Variants in DCAF4L2 observed in about 807,000 individuals in gnomAD.
DCAF4L2 encodes the protein DDB1 and CUL4 associated factor 4 like 2, also known as DDB1- and CUL4-associated factor 4-like protein 2.
A neutral mutation model predicts 15.5 loss-of-function variants in DCAF4L2; 13 were observed. The observed-to-expected ratio is 0.84, with a 90% CI of 0.54 to 1.33. The LOEUF is 1.33. Ranked by LOEUF, DCAF4L2 falls within the 40% of genes most tolerant of loss-of-function variation. The pLI is 0.00. For synonymous variants in DCAF4L2, 251 were observed against 207.0 expected (o/e 1.21, Z -1.83); for missense variants, 519 against 509.6 (o/e 1.02, Z -0.18).
rs1809384196 is a variant in DCAF4L2, at chr8:87,870,769, G to C, written c.*2015C>G. ...TGCTTTATTTGCACTTATTTTATTT[G>C]CAAGTGAGGGTAAACAGATTCGCAA... On this transcript the variant is annotated 3_prime_UTR_variant, in exon 1 of 1. Transcript: ENST00000319675. The C allele has an allele frequency of 1.3e-5, 2 of 151,992 alleles. No individual in the cohort carries two copies. Among genetic ancestry groups the C allele is most frequent in the African/African-American group, 4.8e-5 (2 of 41,382 alleles). The allele number at this position is 151,992 out of a possible 1,614,324, so 9.4% of individuals were successfully genotyped here. A position where few individuals can be genotyped will look rare whatever the true frequency, so the allele number is the denominator to read the frequency against.
Position 87,873,070 on chromosome 8 carries a change from G to A in DCAF4L2, c.902C>T (p.Ala301Val). 6.2e-7 allele frequency: 1 copy of A among 1,614,194 alleles called. No homozygotes were observed. Among genetic ancestry groups the A allele is most frequent in the Non-Finnish European group, 8.5e-7 (1 of 1,180,050 alleles). ...TTCGTACTGTGTTACACATTTAGTGGCCCTCAAGTCCCACAGCTTGATAGT... is the reference window on the plus strand; with the variant it reads ...TTCGTACTGTGTTACACATTTAGTGACCCTCAAGTCCCACAGCTTGATAGT... ...TGTIKLWDLR[A>V]TKCVTQYEGH... Residue 301 changes from alanine (A) to valine (V), a missense_variant, in exon 1 of 1, where the codon GCC becomes GTC. Transcript: ENST00000319675.
At position 87,873,659 on chromosome 8, in the gene DCAF4L2, G is replaced by A. The variant is rs200433622; in HGVS notation, c.313C>T (p.Arg105Ter). ...GGSKYGIITM[R>*]GLTTPELRVY... ...CGGAGCTCAGGGGTCGTCAGGCCTC[G>A]CATGGTGATGATGCCGTACTTGGAG... Residue 105 changes from arginine to a stop codon, truncating the protein, a stop_gained, in exon 1 of 1, where the codon CGA becomes TGA. Coordinates refer to ENST00000319675, the MANE Select transcript of DCAF4L2 (RefSeq NM_152418.4). LOFTEE classifies it high-confidence loss of function. The A allele has an allele frequency of 9.9e-6, 16 of 1,614,176 alleles. No homozygotes were observed. In the East Asian group the frequency reaches 3.3e-4, roughly 34 times the overall value.
rs1809414066 is a variant in DCAF4L2, at chr8:87,872,416, C to T, written c.*368G>A. The T allele has an allele frequency of 6.0e-6, 1 of 166,898 alleles. No homozygotes were observed. Among genetic ancestry groups the T allele is most frequent in the Non-Finnish European group, 1.3e-5 (1 of 76,724 alleles). 10.3% of individuals were successfully genotyped at this position (166,898 alleles called of 1,614,324 possible). A position where few individuals can be genotyped will look rare whatever the true frequency, so the allele number is the denominator to read the frequency against. On this transcript the variant is annotated 3_prime_UTR_variant, in exon 1 of 1. Transcript: ENST00000319675. ...GTAGGACTAGTCAAACAGTCTCATGCTTCTCTAAAAGGCTTCTGGTGTAAG... is the reference window on the plus strand; with the variant it reads ...GTAGGACTAGTCAAACAGTCTCATGTTTCTCTAAAAGGCTTCTGGTGTAAG...
Position 87,871,926 on chromosome 8 carries a change from C to T in DCAF4L2, c.*858G>A, listed in dbSNP as rs916625457. On this transcript the variant is annotated 3_prime_UTR_variant, in exon 1 of 1. Coordinates refer to ENST00000319675, the MANE Select transcript of DCAF4L2 (RefSeq NM_152418.4). Reference sequence around the variant, plus strand: ...TAAGAAGTAGCCACTAACTTTATTACACGTTTTTTTGTTTTTTGTTTTTTT... The same window carrying T: ...TAAGAAGTAGCCACTAACTTTATTATACGTTTTTTTGTTTTTTGTTTTTTT... The T allele has an allele frequency of 3.2e-5, 5 of 155,076 alleles. No homozygotes were observed. Among genetic ancestry groups the T allele is most frequent in the African/African-American group, 4.8e-5 (2 of 41,292 alleles). The allele number at this position is 155,076 out of a possible 1,614,324, so 9.6% of individuals were successfully genotyped here. A position where few individuals can be genotyped will look rare whatever the true frequency, so the allele number is the denominator to read the frequency against.
chr8:87,871,500 A>G lies in DCAF4L2; in HGVS notation c.*1284T>C, dbSNP rs1809397350. 1 of 151,834 alleles carries G rather than the reference A, an allele frequency of 6.6e-6. No homozygotes were observed. Among genetic ancestry groups the G allele is most frequent in the Admixed American group, 6.6e-5 (1 of 15,264 alleles). The allele number at this position is 151,834 out of a possible 1,614,324, so 9.4% of individuals were successfully genotyped here. A position where few individuals can be genotyped will look rare whatever the true frequency, so the allele number is the denominator to read the frequency against. Reference sequence around the variant, plus strand: ...CATATTTTTATTTTTGAGGTATTATATAAAGTGTGAAGTGTATAGACATAC... The same window carrying G: ...CATATTTTTATTTTTGAGGTATTATGTAAAGTGTGAAGTGTATAGACATAC... On this transcript the variant is annotated 3_prime_UTR_variant, in exon 1 of 1. Coordinates refer to ENST00000319675, the MANE Select transcript of DCAF4L2 (RefSeq NM_152418.4).
In DCAF4L2 at chr8:87,873,985, T is replaced by C. The variant is rs752127168; in HGVS notation, c.-14A>G. On this transcript the variant is annotated 5_prime_UTR_variant, in exon 1 of 1. Transcript: ENST00000319675. ...TTTGCTCTCCATTTCGTTCGGCGGA[T>C]GTTCTCCCTCCTGAGGGGAAGTTCT... The C allele has an allele frequency of 5.0e-6, 8 of 1,610,648 alleles. No homozygotes were observed. In the African/African-American group the frequency reaches 6.7e-5, roughly 13 times the overall value.
In DCAF4L2 at chr8:87,873,845, A is replaced by G. The variant is rs1229318406; in HGVS notation, c.127T>C (p.Cys43Arg). Reference protein sequence around the residue: ...QLGFLRFANYCRIARELRVSC... With the variant: ...QLGFLRFANYRRIARELRVSC... ...ACACGCAGCTCGCGAGCTATACGGC[A>G]ATAGTTGGCGAATCTGAGGAAACCT... The change falls in exon 1 of 1, where the codon TGC (cysteine) becomes CGC (arginine). Residue 43 changes from cysteine to arginine, a missense_variant. By Grantham distance (180) the Cys-to-Arg change is radical. Transcript: ENST00000319675. The G allele has an allele frequency of 6.2e-7, 1 of 1,614,092 alleles. No individual in the cohort carries two copies. The highest frequency in any genetic ancestry group is 8.5e-7 in the Non-Finnish European group (1 of 1,180,042).
chr8:87,872,559 T>C lies in DCAF4L2; in HGVS notation c.*225A>G, dbSNP rs1329954164. The C allele has an allele frequency of 4.1e-5, 17 of 415,676 alleles. No individual in the cohort carries two copies. Among genetic ancestry groups the C allele is most frequent in the African/African-American group, 1.2e-4 (6 of 49,528 alleles). The allele number at this position is 415,676 out of a possible 1,614,324, so 25.7% of individuals were successfully genotyped here. ...TAAGGTATTCAACAAGAAAAGGAAA[T>C]AGTTATCTTTTATGAAAAGGACTTT... On this transcript the variant is annotated 3_prime_UTR_variant, in exon 1 of 1. Coordinates refer to ENST00000319675, the MANE Select transcript of DCAF4L2 (RefSeq NM_152418.4).
chr8:87,873,321 G>A lies in DCAF4L2; in HGVS notation c.651C>T (p.His217=). The change falls in exon 1 of 1, where the codon CAC becomes CAT. Residue 217 remains histidine, a synonymous_variant. Transcript: ENST00000319675. The stretch of plus-strand genomic sequence containing the variant: ...CACTGCTAGTCCCAAATGACTGCTG[G>A]TGTCCCGTCACCACGTTGGTCAACA... ...QVLLTNVVTG[H]QQSFGTSSDV... is the part of the protein sequence containing the mutation. 6.2e-7 allele frequency: 1 copy of A among 1,614,178 alleles called. No individual in the cohort carries two copies.
Position 87,872,837 on chromosome 8 carries a change from G to T in DCAF4L2, c.1135C>A (p.Pro379Thr). Reference sequence around the variant, plus strand: ...TCCCGGACAGCCATGAGCAGCCCTGGTGCTCCTCGGAAGCCCCCGAGGCGA... The same window carrying T: ...TCCCGGACAGCCATGAGCAGCCCTGTTGCTCCTCGGAAGCCCCCGAGGCGA... ...SSRLGGFRGAPGLLMAVREDL... is the reference protein window; with the variant it reads ...SSRLGGFRGATGLLMAVREDL... The change falls in exon 1 of 1, where the codon CCA (proline) becomes ACA (threonine). Residue 379 changes from proline to threonine, a missense_variant. Pro to Thr is a conservative substitution (Grantham distance 38, BLOSUM62 -1). Coordinates refer to ENST00000319675, the MANE Select transcript of DCAF4L2 (RefSeq NM_152418.4). The T allele has an allele frequency of 1.9e-6, 3 of 1,612,974 alleles. No individual in the cohort carries two copies. The highest frequency in any genetic ancestry group is 2.5e-6 in the Non-Finnish European group (3 of 1,179,352).
rs146030031 is a variant in DCAF4L2 at position 87,872,964 on chromosome 8, G to A, written c.1008C>T (p.Cys336=). ...GACGGAGGCTCCAGATTCTCGTGTA[G>A]CAGTCCTGGCCCACGGCCGCCACGA... ...EGVVAAVGQD[C]YTRIWSLRHG... Residue 336 remains cysteine (C), a synonymous_variant, in exon 1 of 1, where the codon TGC becomes TGT. Coordinates refer to ENST00000319675, the MANE Select transcript of DCAF4L2 (RefSeq NM_152418.4). 2 of 1,614,038 alleles carry A rather than the reference G, an allele frequency of 1.2e-6. No individual in the cohort carries two copies. The highest frequency in any genetic ancestry group is 1.7e-6 in the Non-Finnish European group (2 of 1,180,034).
In DCAF4L2 at chr8:87,871,458, C is replaced by T. The variant is rs1586059533; in HGVS notation, c.*1326G>A. On this transcript the variant is annotated 3_prime_UTR_variant, in exon 1 of 1. Coordinates refer to ENST00000319675, the MANE Select transcript of DCAF4L2 (RefSeq NM_152418.4). ...ATCATTCCCTTTCCTGACCAACCTACAACAGTGTACTGTTTTCATATTTTT... is the reference window on the plus strand; with the variant it reads ...ATCATTCCCTTTCCTGACCAACCTATAACAGTGTACTGTTTTCATATTTTT... The T allele has an allele frequency of 6.6e-6, 1 of 152,512 alleles. No homozygotes were observed. Among genetic ancestry groups the T allele is most frequent in the African/African-American group, 2.4e-5 (1 of 41,440 alleles). The allele number at this position is 152,512 out of a possible 1,614,324, so 9.4% of individuals were successfully genotyped here. A position where few individuals can be genotyped will look rare whatever the true frequency, so the allele number is the denominator to read the frequency against.
Position 87,873,792 on chromosome 8 carries a change from C to G in DCAF4L2, c.180G>C (p.Gln60His), listed in dbSNP as rs764471075. The change falls in exon 1 of 1, where the codon CAG becomes CAC. Residue 60 changes from glutamine to histidine, a missense_variant. Coordinates refer to ENST00000319675, the MANE Select transcript of DCAF4L2 (RefSeq NM_152418.4). ...RVSCMQRKKV[Q>H]IHSWDPSSLA... ...AAGAGGAGGGATCCCAGCTATGAAT[C>G]TGGACCTTTTTCCTCTGCATGCAGC... 10 of 1,614,140 alleles carry G rather than the reference C, an allele frequency of 6.2e-6. No individual in the cohort carries two copies. The highest frequency in any genetic ancestry group is 1.7e-5 in the Admixed American group (1 of 60,016).
Position 87,872,830 on chromosome 8 carries a change from A to T in DCAF4L2, c.1142T>A (p.Leu381Gln), listed in dbSNP as rs148070033. 45 of 1,611,822 alleles carry T rather than the reference A, an allele frequency of 2.8e-5. No homozygotes were observed. The African/African-American group carries it at 4.9e-4, about 18-fold the overall frequency. The change falls in exon 1 of 1, where the codon CTG (leucine) becomes CAG (glutamine). Residue 381 changes from leucine (L) to glutamine (Q), a missense_variant. Transcript: ENST00000319675. ...AAGGTCCTCCCGGACAGCCATGAGC[A>T]GCCCTGGTGCTCCTCGGAAGCCCCC... is the stretch of plus-strand genomic sequence containing the variant. ...RLGGFRGAPG[L>Q]LMAVREDLYC...
rs1809396239 is a variant in DCAF4L2 at position 87,871,427 on chromosome 8, G to A, written c.*1357C>T. The stretch of plus-strand genomic sequence containing the variant: ...TTCTACTTCTCATAGTCAGGTCCAA[G>A]CCACAATCATTCCCTTTCCTGACCA... On this transcript the variant is annotated 3_prime_UTR_variant, in exon 1 of 1. Coordinates refer to ENST00000319675, the MANE Select transcript of DCAF4L2 (RefSeq NM_152418.4). The A allele has an allele frequency of 6.5e-6, 1 of 153,252 alleles. No individual in the cohort carries two copies. Among genetic ancestry groups the A allele is most frequent in the African/African-American group, 2.4e-5 (1 of 41,394 alleles). The allele number at this position is 153,252 out of a possible 1,614,324, so 9.5% of individuals were successfully genotyped here. A position where few individuals can be genotyped will look rare whatever the true frequency, so the allele number is the denominator to read the frequency against.
At position 87,873,962 on chromosome 8, in the gene DCAF4L2, T is replaced by A. The variant is rs573817792; in HGVS notation, c.10A>T (p.Lys4Ter). The A allele has an allele frequency of 6.2e-7, 1 of 1,613,642 alleles. No homozygotes were observed. Among genetic ancestry groups the A allele is most frequent in the South Asian group, 1.1e-5 (1 of 91,064 alleles). ...GCTTCCTCGAGCAGTCGCGGTCTTT[T>A]GCTCTCCATTTCGTTCGGCGGATGT... MES[K>*]RPRLLEEADK... is the part of the protein sequence containing the mutation. Residue 4 changes from lysine to a stop codon, truncating the protein, a stop_gained, in exon 1 of 1, where the codon AAA becomes TAA. Transcript: ENST00000319675. LOFTEE classifies it low-confidence loss of function (END_TRUNC).
Position 87,873,921 on chromosome 8 carries a change from C to G in DCAF4L2, c.51G>C (p.Lys17Asn). 1 of 1,614,082 alleles carries G rather than the reference C, an allele frequency of 6.2e-7. No homozygotes were observed. The highest frequency in any genetic ancestry group is 8.5e-7 in the Non-Finnish European group (1 of 1,180,034). ...RLLEEADKQK[K>N]TVRVGLNAPS... The stretch of plus-strand genomic sequence containing the variant: ...GTGCATTGAGTCCCACTCTGACTGT[C>G]TTTTTCTGCTTGTCTGCTTCCTCGA... Residue 17 changes from lysine to asparagine, a missense_variant, in exon 1 of 1, where the codon AAG (lysine) becomes AAC (asparagine). By Grantham distance (94) the Lys-to-Asn change is moderately conservative. Coordinates refer to ENST00000319675, the MANE Select transcript of DCAF4L2 (RefSeq NM_152418.4).
In DCAF4L2 at chr8:87,873,737, C is replaced by A. The variant is rs1809447835; in HGVS notation, c.235G>T (p.Ala79Ser). Reference sequence around the variant, plus strand: ...AAGAGCTGGTCAGTGTTGGTATTCGCCAGTATGCGGTTAAATCGGTCGCTT... The same window carrying A: ...AAGAGCTGGTCAGTGTTGGTATTCGACAGTATGCGGTTAAATCGGTCGCTT... ...LASDRFNRIL[A>S]NTNTDQLFTV... is the part of the protein sequence containing the mutation. Residue 79 changes from alanine to serine, a missense_variant, in exon 1 of 1, where the codon GCG becomes TCG. Coordinates refer to ENST00000319675, the MANE Select transcript of DCAF4L2 (RefSeq NM_152418.4). The A allele has an allele frequency of 6.2e-7, 1 of 1,614,150 alleles. No homozygotes were observed. Among genetic ancestry groups the A allele is most frequent in the African/African-American group, 1.3e-5 (1 of 75,028 alleles).
chr8:87,873,911 C>G lies in DCAF4L2; in HGVS notation c.61G>C (p.Val21Leu). Residue 21 changes from valine (V) to leucine (L), a missense_variant, in exon 1 of 1, where the codon GTG becomes CTG. Coordinates refer to ENST00000319675, the MANE Select transcript of DCAF4L2 (RefSeq NM_152418.4). ...AGCATGGAAGGTGCATTGAGTCCCA[C>G]TCTGACTGTCTTTTTCTGCTTGTCT... ...EADKQKKTVR[V>L]GLNAPSMLRK... 6.2e-7 allele frequency: 1 copy of G among 1,614,128 alleles called. No homozygotes were observed. The highest frequency in any genetic ancestry group is 8.5e-7 in the Non-Finnish European group (1 of 1,180,030).
Sources: allele counts gnomAD v4.1 joint callset, GRCh38; gene constraint gnomAD v4.1.1; transcripts MANE v1.5; gene names NCBI Gene and HGNC (gene_info 2026-07-23, HGNC 2026-07-21).